Variants in ADGRL3 observed in about 807,000 individuals in gnomAD.
The protein encoded by ADGRL3 is adhesion G protein-coupled receptor L3, also known as calcium-independent alpha-latrotoxin receptor 3.
Under a neutral mutation model 153.5 loss-of-function variants are expected in ADGRL3, and 62 were observed. The observed-to-expected ratio is 0.40, with a 90% CI of 0.33 to 0.50. ADGRL3 has a LOEUF of 0.50. ADGRL3 is among the 20% of genes least tolerant of loss of function. The pLI, the probability that ADGRL3 is intolerant of heterozygous loss-of-function variation, is 0.47. For missense variants in ADGRL3, 1,641 were observed against 1,859.4 expected, an observed-to-expected ratio of 0.88 and a Z score of 2.16; for synonymous variants, 710 against 672.5, an observed-to-expected ratio of 1.06 and a Z score of -0.86.
At chr4:61,525,154 G>GA (rs2098552204) in intron 4 of ADGRL3, among the ~76,000 whole-genome samples, 3 of 126,180 alleles carry the variant, frequency 2.4e-5, no homozygotes, top group Admixed American at 7.8e-5. Context: ...TTTAAAGAAG[G>GA]AAATGACATT....
chr4:62,046,211 G>C (rs1164043420), intron 25 of ADGRL3, among the ~76,000 whole-genome samples: 1 of 151,788 alleles, frequency 6.6e-6, no homozygotes, highest in Non-Finnish European at 1.5e-5. Context: ...AATAATTATT[G>C]ATTAAACAAA....
At position 61,383,929 on chromosome 4, in the gene ADGRL3, T is replaced by C. The variant is rs563269013; in HGVS notation, c.-174+740T>C. 2.0e-4 allele frequency among the ~76,000 whole-genome samples: 31 copies of C among 151,978 alleles called. 1 individual carries two copies. Among genetic ancestry groups the C allele is most frequent in the Non-Finnish European group, 3.8e-4 (26 of 67,800 alleles). On this transcript the variant is annotated intron_variant, in intron 2 of 26. Transcript: ENST00000683033. The stretch of plus-strand genomic sequence containing the variant: ...GAAAGTAATTCCTGTAAAGTTACTT[T>C]GTAAAGTTTAGCATGTACATTATTA...
Position 61,966,132 on chromosome 4 carries a change from G to A in ADGRL3, c.2806-13431G>A, listed in dbSNP as rs563926387. Among the ~76,000 whole-genome samples the A allele has an allele frequency of 1.1e-4, 16 of 152,112 alleles. No individual in the cohort carries two copies. The East Asian group carries it at 3.1e-3, about 29-fold the overall frequency. The stretch of plus-strand genomic sequence containing the variant: ...ATTGCTATAGCTAAGAAAATCAAAT[G>A]AAAATGAAATAAAAATGACATGGGT... On this transcript the variant is annotated intron_variant, in intron 17 of 26. Coordinates refer to ENST00000683033, the MANE Select transcript of ADGRL3 (RefSeq NM_001387552.1).
In ADGRL3 at chr4:61,646,104, C is replaced by G. The variant is rs1236731460; in HGVS notation, c.474-30722C>G. On this transcript the variant is annotated intron_variant, in intron 5 of 26. Coordinates refer to ENST00000683033, the MANE Select transcript of ADGRL3 (RefSeq NM_001387552.1). The stretch of plus-strand genomic sequence containing the variant: ...GCTCCTGAGGCCTCTGCATTCTTTA[C>G]GTAGTTCTCGAGCCTTGGTTTTCAG... Among the ~76,000 whole-genome samples the G allele has an allele frequency of 5.3e-5, 8 of 152,198 alleles. No homozygotes were observed. In the East Asian group the frequency reaches 1.5e-3, roughly 29 times the overall value.
chr4:61,554,168 G>A (rs1034094348), intron 4 of ADGRL3, among the ~76,000 whole-genome samples: 2 of 91,422 alleles, frequency 2.2e-5, no homozygotes, highest in Non-Finnish European at 4.3e-5. Flanking sequence ...TCCTAACTTA[G>A]GTATTTTATT....
At chr4:61,243,966 G>A (rs1224846518) in intron 1 of ADGRL3, among the ~76,000 whole-genome samples, 4 of 151,892 alleles carry the variant, frequency 2.6e-5, no homozygotes, top group African/African-American at 4.8e-5. Flanking sequence ...TTTAAGAAAC[G>A]TTTCTATAGT....
At chr4:61,453,441 A>T (rs1425444636) in intron 2 of ADGRL3, among the ~76,000 whole-genome samples, 6 of 152,084 alleles carry the variant, frequency 3.9e-5, no homozygotes, top group Non-Finnish European at 8.8e-5. Context: ...ATTGACATGC[A>T]TTATCTCAGA....
intron 1 of ADGRL3, among the ~76,000 whole-genome samples, chr4:61,288,015 A>G (rs2094010773): frequency 6.6e-6 from 1 of 151,916 alleles, no homozygotes; most frequent in African/African-American, 2.4e-5. Flanking sequence ...TCATAATACT[A>G]CATCCAGCCA....
chr4:61,734,918 C>T (rs998032099), intron 8 of ADGRL3, among the ~76,000 whole-genome samples: 3 of 152,154 alleles, frequency 2.0e-5, no homozygotes, highest in Non-Finnish European at 2.9e-5. Context: ...CAGGTTAGTT[C>T]TTTATATAGT....
chr4:61,419,372 A>G (rs1578747410), intron 2 of ADGRL3, among the ~76,000 whole-genome samples: 1 of 150,818 alleles, frequency 6.6e-6, no homozygotes, highest in Non-Finnish European at 1.5e-5. Flanking sequence ...TGAGATAACT[A>G]TTTATTCACT....
intron 21 of ADGRL3, among the ~76,000 whole-genome samples, chr4:62,016,042 C>CTTTTCT (rs1415691439): frequency 6.7e-6 from 1 of 148,900 alleles, no homozygotes; most frequent in East Asian, 2.0e-4. Flanking sequence ...TTTTTCTTTT[C>CTTTTCT]TTTTCTTTTT....
At chr4:61,922,688 A>G (rs2098775372) in intron 13 of ADGRL3, among the ~76,000 whole-genome samples, 1 of 152,198 alleles carries the variant, frequency 6.6e-6, no homozygotes, top group African/African-American at 2.4e-5. Context: ...TACTTTAAGA[A>G]AAGCGTAGAT....
chr4:61,473,325 T>TTATTCAC (rs1190837005), intron 2 of ADGRL3, among the ~76,000 whole-genome samples: 3 of 152,050 alleles, frequency 2.0e-5, no homozygotes, highest in African/African-American at 7.2e-5. Context: ...AGCCCTCGTG[T>TTATTCAC]TATTCACTTT....
intron 5 of ADGRL3, among the ~76,000 whole-genome samples, chr4:61,620,001 C>A (rs187052030): frequency 6.6e-6 from 1 of 151,578 alleles, no homozygotes; most frequent in African/African-American, 2.4e-5. Flanking sequence ...AGTAAAATCA[C>A]GAATGAAAAA....
chr4:62,068,213 C>G (rs1476018207), intron 26 of ADGRL3, 30 bp downstream of exon 26: 8 of 1,564,842 alleles, frequency 5.1e-6, no homozygotes, highest in Non-Finnish European at 6.0e-6. Context: ...CATTGCATAT[C>G]AAATGTAATT....
At chr4:61,230,157 A>G (rs1403797463) in intron 1 of ADGRL3, among the ~76,000 whole-genome samples, 1 of 152,146 alleles carries the variant, frequency 6.6e-6, no homozygotes, top group East Asian at 1.9e-4. Flanking sequence ...AATAAAATGA[A>G]GGTTTTCTTG....
intron 5 of ADGRL3, among the ~76,000 whole-genome samples, chr4:61,654,460 A>T (rs1464220878): frequency 6.6e-6 from 1 of 152,058 alleles, no homozygotes; most frequent in Non-Finnish European, 1.5e-5. Flanking sequence ...TGCTGTAGGG[A>T]TGTACTGTCT....
At chr4:61,963,098 A>G (rs924417806) in intron 17 of ADGRL3, among the ~76,000 whole-genome samples, 9 of 152,148 alleles carry the variant, frequency 5.9e-5, no homozygotes, top group Non-Finnish European at 1.0e-4. Context: ...AAAATGAGAG[A>G]CACAATTATG....
At chr4:61,950,477 T>C (rs2098942854) in intron 17 of ADGRL3, among the ~76,000 whole-genome samples, 1 of 152,336 alleles carries the variant, frequency 6.6e-6, no homozygotes, top group South Asian at 2.1e-4. Flanking sequence ...TTATATATCA[T>C]GGTGTGTAGA....
Sources: gnomAD v4.1 joint callset for allele counts (sites outside exome capture counted in the v4.1 genomes callset) on GRCh38, gnomAD v4.1.1 for gene constraint, MANE v1.5 for transcripts, NCBI Gene and HGNC (gene_info 2026-07-23, HGNC 2026-07-21) for gene names.